Variants in BCAS3 observed in about 807,000 individuals in gnomAD.
BCAS3 encodes BCAS3 microtubule associated cell migration factor, also known as BCAS4/BCAS3 fusion.
A neutral mutation model predicts 116.1 loss-of-function variants in BCAS3; 53 were observed. The observed-to-expected ratio is 0.46, with a 90% confidence interval of 0.37 to 0.57. BCAS3 has a LOEUF of 0.57. Among genes scored for constraint, BCAS3 ranks in the 20% least tolerant of loss-of-function variants. BCAS3 has a pLI of 0.00. For missense variants in BCAS3, 917 were observed against 1,165.4 expected, an observed-to-expected ratio of 0.79 and a Z score of 3.10; for synonymous variants, 391 against 408.2, an observed-to-expected ratio of 0.96 and a Z score of 0.51.
intron 6 of BCAS3, among the ~76,000 whole-genome samples, chr17:60,804,049 C>T (rs1202056342): frequency 2.0e-5 from 3 of 150,686 alleles, no homozygotes; most frequent in Non-Finnish European, 3.0e-5. Context: ...GTGATCTGCC[C>T]GCCACGGCCT....
rs2065790755 is a variant in BCAS3, at chr17:61,020,364, C to G, written c.1637+4463C>G. Among the ~76,000 whole-genome samples, 1 of 152,160 alleles carries G rather than the reference C, an allele frequency of 6.6e-6. No homozygotes were observed. On this transcript the variant is annotated intron_variant, in intron 16 of 23. Coordinates refer to ENST00000407086, the MANE Select transcript of BCAS3 (RefSeq NM_017679.5). This position sits in a 1 kb window ranked among gnomAD's most constrained non-coding sequence, Gnocchi z 4.5. ...TAGCAGAAGACAGATGTATTTACAC[C>G]TTCTTGTTCAGTACCTTGAAGCAGC...
rs1439634500 is a variant in BCAS3, at chr17:61,040,786, C to T, written c.1929-6C>T. 10 of 1,610,060 alleles carry T rather than the reference C, an allele frequency of 6.2e-6. No individual in the cohort carries two copies. The Admixed American group carries it at 1.3e-4, about 21-fold the overall frequency. ...AAATATTAATATTCTTCTCCTGTTT[C>T]CTTAGAACCCCTCAATGGAATGAAT... is the stretch of plus-strand genomic sequence containing the variant. On this transcript the variant is annotated splice_polypyrimidine_tract_variant and splice_region_variant and intron_variant, in intron 18 of 23. Transcript: ENST00000407086.
intron 6 of BCAS3, among the ~76,000 whole-genome samples, chr17:60,799,163 AT>A (rs2047474627): frequency 6.6e-6 from 1 of 152,192 alleles, no homozygotes; most frequent in African/African-American, 2.4e-5. Context: ...GCAAACCAAA[AT>A]TATTTAATAT....
chr17:60,997,859 A>C (rs2063943405), intron 15 of BCAS3, among the ~76,000 whole-genome samples: 1 of 152,032 alleles, frequency 6.6e-6, no homozygotes, highest in Admixed American at 6.6e-5. Flanking sequence ...TTGGTTTTTA[A>C]ATTTTAGATT....
chr17:60,817,939 C>T (rs1254824241), intron 7 of BCAS3, among the ~76,000 whole-genome samples: 1 of 151,562 alleles, frequency 6.6e-6, no homozygotes, highest in Non-Finnish European at 1.5e-5. Context: ...ACTGCAACCT[C>T]CACGTCCTGG....
chr17:60,914,272 C>G (rs1467427518), intron 12 of BCAS3, among the ~76,000 whole-genome samples: 1 of 152,096 alleles, frequency 6.6e-6, no homozygotes, highest in African/African-American at 2.4e-5. Flanking sequence ...ATGTTTTAGG[C>G]TAGGTGATGA....
intron 22 of BCAS3, among the ~76,000 whole-genome samples, chr17:61,101,442 GA>G (rs1202110880): frequency 6.6e-6 from 1 of 152,104 alleles, no homozygotes; most frequent in Admixed American, 6.6e-5. Flanking sequence ...CTATAGTGGG[GA>G]GTGGGGGAGT....
chr17:61,224,050 G>T lies in BCAS3; in HGVS notation c.2425+139486G>T, dbSNP rs928329342. On this transcript the variant is annotated intron_variant, in intron 22 of 23. Transcript: ENST00000407086. This position sits in a 1 kb window ranked among gnomAD's most constrained non-coding sequence, Gnocchi z 5.7. Reference sequence around the variant, plus strand: ...CAATTTTTTTCAACCACCTCTAATTGAGAGTAGAAAAGCATTTGCTTTCTA... The same window carrying T: ...CAATTTTTTTCAACCACCTCTAATTTAGAGTAGAAAAGCATTTGCTTTCTA... 1.3e-5 allele frequency among the ~76,000 whole-genome samples: 2 copies of T among 152,172 alleles called. No individual in the cohort carries two copies. The highest frequency in any genetic ancestry group is 6.5e-5 in the Admixed American group (1 of 15,280).
At chr17:61,273,396 C>T (rs1367435548) in intron 22 of BCAS3, among the ~76,000 whole-genome samples, 1 of 151,992 alleles carries the variant, frequency 6.6e-6, no homozygotes, top group African/African-American at 2.4e-5. Context: ...TTTAAAAAGC[C>T]AGATGTCATT....
In BCAS3 at chr17:61,034,840, T is replaced by C; in HGVS notation, c.1762+50T>C. ...ATGCTCTATTTGTAATTTTTGCTTC[T>C]TAAGGAAAATTTTTAGCAGTTTCCC... On this transcript the variant is annotated intron_variant, in intron 17 of 23. Transcript: ENST00000407086. This position sits in a 1 kb window ranked among gnomAD's most constrained non-coding sequence, Gnocchi z 5.0. The C allele has an allele frequency of 6.5e-7, 1 of 1,539,020 alleles. No homozygotes were observed. Among genetic ancestry groups the C allele is most frequent in the Non-Finnish European group, 8.8e-7 (1 of 1,140,148 alleles).
At chr17:61,159,985 G>A (rs1181888304) in intron 22 of BCAS3, among the ~76,000 whole-genome samples, 5 of 104,406 alleles carry the variant, frequency 4.8e-5, no homozygotes, top group African/African-American at 1.5e-4. Context: ...TATGTGGTTG[G>A]CATCTTTGAT....
In BCAS3 at chr17:61,302,231, A is replaced by G. The variant is rs528699989; in HGVS notation, c.2426-66096A>G. 2.6e-5 allele frequency among the ~76,000 whole-genome samples: 4 copies of G among 152,134 alleles called. No homozygotes were observed. The highest frequency in any genetic ancestry group is 9.6e-5 in the African/African-American group (4 of 41,506). ...TCTGGTGTATTACTTGACTTTCCTC[A>G]TCTTGTCTCTTAATGTCACATCAGA... On this transcript the variant is annotated intron_variant, in intron 22 of 23. Coordinates refer to ENST00000407086, the MANE Select transcript of BCAS3 (RefSeq NM_017679.5). The surrounding 1 kb of genome is among the most constrained non-coding windows in gnomAD (Gnocchi z 4.4).
At chr17:60,827,252 A>T (rs190162203) in intron 7 of BCAS3, among the ~76,000 whole-genome samples, 8 of 152,350 alleles carry the variant, frequency 5.3e-5, no homozygotes, top group African/African-American at 1.9e-4. Flanking sequence ...TTACATCCTG[A>T]TACATGTTAG....
intron 7 of BCAS3, 72 bp from the exon 8 acceptor site, chr17:60,868,504 T>C (rs1599297913): frequency 1.2e-6 from 1 of 816,254 alleles, no homozygotes; most frequent in Admixed American, 3.7e-5. Context: ...ATTATGTTAA[T>C]GAGAAAGTAT....
chr17:61,050,354 C>G (rs2068743987), intron 19 of BCAS3, among the ~76,000 whole-genome samples: 1 of 151,422 alleles, frequency 6.6e-6, no homozygotes, highest in Non-Finnish European at 1.5e-5. Context: ...TGACTGTTAA[C>G]AGAAAAAAAT....
At position 61,077,942 on chromosome 17, in the gene BCAS3, T is replaced by C. The variant is rs551992602; in HGVS notation, c.2131-391T>C. ...ATTAATAGGTGTAGTATTCAGTGCA[T>C]GCCCACAACATGGTAAGTACTGTCT... On this transcript the variant is annotated intron_variant, in intron 20 of 23. Transcript: ENST00000407086. The surrounding 1 kb of genome is among the most constrained non-coding windows in gnomAD (Gnocchi z 4.3). 1.3e-5 allele frequency among the ~76,000 whole-genome samples: 2 copies of C among 152,196 alleles called. No homozygotes were observed. The highest frequency in any genetic ancestry group is 4.8e-5 in the African/African-American group (2 of 41,446).
At position 61,368,503 on chromosome 17, in the gene BCAS3, GT is replaced by G; in HGVS notation, c.2593+10del. The G allele has an allele frequency of 6.3e-7, 1 of 1,592,664 alleles. No homozygotes were observed. Among genetic ancestry groups the G allele is most frequent in the Non-Finnish European group, 8.6e-7 (1 of 1,163,282 alleles). The stretch of plus-strand genomic sequence containing the variant: ...CGTGGGATCCGGAACAGGTAAAGGT[GT>G]CATCAGACTTCTAGCCTGATTTGGT... On this transcript the variant is annotated intron_variant, in intron 23 of 23. Transcript: ENST00000407086. The surrounding 1 kb of genome is among the most constrained non-coding windows in gnomAD (Gnocchi z 6.0).
intron 22 of BCAS3, among the ~76,000 whole-genome samples, chr17:61,172,885 A>G (rs912498293): frequency 7.6e-5 from 11 of 144,820 alleles, no homozygotes; most frequent in East Asian, 2.2e-4. Flanking sequence ...CTACTTGGGA[A>G]GCTGAGGCAG....
In BCAS3 at chr17:61,105,312, G is replaced by C. The variant is rs117916011; in HGVS notation, c.2425+20748G>C. Among the ~76,000 whole-genome samples, 1 of 152,174 alleles carries C rather than the reference G, an allele frequency of 6.6e-6. No homozygotes were observed. The highest frequency in any genetic ancestry group is 2.4e-5 in the African/African-American group (1 of 41,444). On this transcript the variant is annotated intron_variant, in intron 22 of 23. Transcript: ENST00000407086. The surrounding 1 kb of genome is among the most constrained non-coding windows in gnomAD (Gnocchi z 4.3). ...AAATGATCACAGAAAAACCTAGGAG[G>C]AGCTAGTTCCATTTGTGAGGTTTTC...
Sources: allele counts gnomAD v4.1 joint callset (sites outside exome capture counted in the v4.1 genomes callset), GRCh38; gene constraint gnomAD v4.1.1; non-coding constraint Gnocchi (gnomAD v3.1); transcripts MANE v1.5; gene names NCBI Gene and HGNC (gene_info 2026-07-23, HGNC 2026-07-21).